The following SCAF4 variants were observed in gnomAD, a reference collection of about 807,000 sequenced individuals.
SCAF4 encodes the protein SR-related and CTD-associated factor 4.
A neutral mutation model predicts 129.8 loss-of-function variants in SCAF4; 25 were observed. The observed-to-expected ratio is 0.19, with a 90% CI of 0.14 to 0.27. SCAF4 has a LOEUF of 0.27. Ranked by LOEUF, SCAF4 falls within the 10% of genes least tolerant of loss-of-function variation. The pLI is 1.00. For missense variants in SCAF4, 1,246 were observed against 1,457.1 expected (o/e 0.86, Z 2.36); for synonymous variants, 551 against 497.7 (o/e 1.11, Z -1.43).
chr21:31,696,501 T>TCA (rs1306291922), intron 8 of SCAF4, 68 bp downstream of exon 8: 4 of 1,360,740 alleles, frequency 2.9e-6, no homozygotes, highest in Non-Finnish European at 4.0e-6. Flanking sequence ...TTGCTAAATG[T>TCA]TACTTAGGTT....
chr21:31,723,991 T>G (rs1393185255), intron 1 of SCAF4, among the ~76,000 whole-genome samples: 1 of 152,234 alleles, frequency 6.6e-6, no homozygotes, highest in Admixed American at 6.5e-5. Context: ...GTTTTCTTCC[T>G]GAATTTACTA....
chr21:31,694,678 A>G, intron 10 of SCAF4, 135 bp downstream of exon 10: 1 of 809,028 alleles, frequency 1.2e-6, no homozygotes, highest in Non-Finnish European at 2.0e-6. Flanking sequence ...AAAAACCTGG[A>G]GCACTGAGAG....
chr21:31,727,051 G>A (rs1050141342), intron 1 of SCAF4, among the ~76,000 whole-genome samples: 2 of 151,978 alleles, frequency 1.3e-5, no homozygotes, highest in African/African-American at 2.4e-5. Flanking sequence ...ATTCTTAACT[G>A]TTTTATTTTC....
At chr21:31,718,069 A>G (rs180970304) in intron 1 of SCAF4, among the ~76,000 whole-genome samples, 2,398 of 151,886 alleles carry the variant, frequency 0.016, 66 homozygotes, top group African/African-American at 0.055. Context: ...TCAGCCTCCC[A>G]AGTAGCTGGG....
chr21:31,727,477 C>CT (rs1457771824), intron 1 of SCAF4, among the ~76,000 whole-genome samples: 6 of 152,262 alleles, frequency 3.9e-5, no homozygotes, highest in African/African-American at 1.4e-4. Context: ...GGGTTAAAGA[C>CT]TAAAAATACA....
chr21:31,674,595 A>G (rs1363868335), intron 19 of SCAF4, among the ~76,000 whole-genome samples: 1 of 152,204 alleles, frequency 6.6e-6, no homozygotes, highest in African/African-American at 2.4e-5. Context: ...ATAACCAGTT[A>G]TATTAAAAAC....
chr21:31,731,103 G>A (rs1464468107), intron 1 of SCAF4, among the ~76,000 whole-genome samples: 2 of 152,164 alleles, frequency 1.3e-5, no homozygotes, highest in African/African-American at 2.4e-5. Flanking sequence ...CGTGAATCCC[G>A]GAGAAGGGGG....
intron 1 of SCAF4, among the ~76,000 whole-genome samples, chr21:31,731,174 C>A (rs2051344857): frequency 6.6e-6 from 1 of 152,302 alleles, no homozygotes; most frequent in East Asian, 1.9e-4. Flanking sequence ...CGACGCGCCG[C>A]GGCCTGAGCA....
chr21:31,692,169 T>C (rs1373086934), intron 13 of SCAF4, 180 bp downstream of exon 13: 25 of 594,956 alleles, frequency 4.2e-5, no homozygotes, highest in Non-Finnish European at 5.9e-5. Context: ...AAATGTTAAA[T>C]ACAAAGAATT....
At position 31,731,684 on chromosome 21, in the gene SCAF4, G is replaced by C; in HGVS notation, c.9C>G (p.Ala3=). MD[A]VNAFNQELFS... is the part of the protein sequence containing the mutation. ...TTACCTCCTGGTTGAAGGCGTTGAC[G>C]GCGTCCATGTTCGCGCTGCGGCGGC... is the stretch of plus-strand genomic sequence containing the variant. The change falls in exon 1 of 20, where the codon GCC becomes GCG. Residue 3 remains alanine (A), a synonymous_variant. Coordinates refer to ENST00000286835, the MANE Select transcript of SCAF4 (RefSeq NM_020706.2). 1.3e-6 allele frequency: 2 copies of C among 1,584,938 alleles called. No individual in the cohort carries two copies. Among genetic ancestry groups the C allele is most frequent in the East Asian group, 4.8e-5 (2 of 41,514 alleles).
rs1243750522 is a variant in SCAF4 at position 31,687,283 on chromosome 21, A to G, written c.2043+1024T>C. Among the ~76,000 whole-genome samples the G allele has an allele frequency of 2.0e-5, 3 of 152,306 alleles. No individual in the cohort carries two copies. In the East Asian group the frequency reaches 5.8e-4, roughly 29 times the overall value. On this transcript the variant is annotated intron_variant, in intron 16 of 19. Transcript: ENST00000286835. ...GGTTTTTCATTTTTCGGCCCTTATG[A>G]CGTGACAAAAAACATACTGAGTACT...
At chr21:31,725,851 CTCTT>C (rs1453011496) in intron 1 of SCAF4, among the ~76,000 whole-genome samples, 3 of 152,066 alleles carry the variant, frequency 2.0e-5, no homozygotes, top group Admixed American at 6.6e-5. Context: ...AATGATGTCA[CTCTT>C]TATTAATTTT....
At chr21:31,674,478 G>A (rs182263362) in intron 19 of SCAF4, among the ~76,000 whole-genome samples, 1 of 152,280 alleles carries the variant, frequency 6.6e-6, no homozygotes, top group Admixed American at 6.5e-5. Context: ...TAAATTTATA[G>A]ATTCCTGATA....
At chr21:31,690,164 G>A (rs748833430) in intron 15 of SCAF4, among the ~76,000 whole-genome samples, 1 of 151,996 alleles carries the variant, frequency 6.6e-6, no homozygotes, top group Non-Finnish European at 1.5e-5. Flanking sequence ...AACTTTCCAA[G>A]GTAATTATCA....
intron 7 of SCAF4, among the ~76,000 whole-genome samples, chr21:31,699,503 T>A (rs998564357): frequency 9.1e-6 from 1 of 109,510 alleles, no homozygotes; most frequent in African/African-American, 5.6e-5. Context: ...GTATTATTTG[T>A]TTTTTTTTTT....
chr21:31,687,033 A>G (rs962403577), intron 16 of SCAF4, among the ~76,000 whole-genome samples: 4 of 152,238 alleles, frequency 2.6e-5, no homozygotes, highest in African/African-American at 4.8e-5. Context: ...CCAGAAGGTC[A>G]GCTGAAGAGT....
chr21:31,689,870 G>A (rs2123521362), intron 15 of SCAF4, among the ~76,000 whole-genome samples: 1 of 151,986 alleles, frequency 6.6e-6, no homozygotes, highest in South Asian at 2.1e-4. Flanking sequence ...GGGAGGCACA[G>A]GTTGCAGTGA....
In SCAF4 at chr21:31,731,998, GC is replaced by G. The variant is rs889125337; in HGVS notation, c.-307del. 6.4e-6 allele frequency: 3 copies of G among 471,720 alleles called. No homozygotes were observed. The highest frequency in any genetic ancestry group is 7.1e-5 in the East Asian group (2 of 28,166). The allele number at this position is 471,720 out of a possible 1,614,324, so 29.2% of individuals were successfully genotyped here. On this transcript the variant is annotated 5_prime_UTR_variant, in exon 1 of 20. Coordinates refer to ENST00000286835, the MANE Select transcript of SCAF4 (RefSeq NM_020706.2). ...CTGCGCTCTGCGTCTCGCTGACACG[GC>G]CCCCCGCGCCCTCACGCACTGGCTC...
At chr21:31,688,614 C>T in intron 15 of SCAF4, 150 bp from the exon 16 acceptor site, 1 of 671,696 alleles carries the variant, frequency 1.5e-6, no homozygotes, top group Non-Finnish European at 2.5e-6. Context: ...TTTAAATTAA[C>T]AACAATAGAA....
Sources: gnomAD v4.1 joint callset for allele counts (sites outside exome capture counted in the v4.1 genomes callset) on GRCh38, gnomAD v4.1.1 for gene constraint, MANE v1.5 for transcripts, NCBI Gene and HGNC (gene_info 2026-07-23, HGNC 2026-07-21) for gene names.